GPC6: variants seen among roughly 807,000 people sequenced by gnomAD.
GPC6 encodes the protein glypican 6.
In GPC6, 14 loss-of-function variants were observed where a neutral mutation model predicts 55.2. The ratio of observed to expected loss-of-function variants is 0.25; its 90% CI spans 0.17 to 0.40. The LOEUF (loss-of-function observed/expected upper bound fraction) is 0.40, where lower values mean the gene tolerates loss of function less well. GPC6 is among the 10% of genes least tolerant of loss of function. The probability of loss-of-function intolerance (pLI) is 1.00; values close to 1 mark genes in which losing one functional copy is unlikely to be tolerated. For synonymous variants in GPC6, 278 were observed against 259.6 expected, an observed-to-expected ratio of 1.07 and a Z score of -0.68; for missense variants, 641 against 708.5, an observed-to-expected ratio of 0.90 and a Z score of 1.08.
intron 2 of GPC6, among the ~76,000 whole-genome samples, chr13:93,641,070 A>G (rs549446176): frequency 2.0e-5 from 3 of 152,058 alleles, no homozygotes; most frequent in Non-Finnish European, 4.4e-5. Flanking sequence ...TGCTGTTAAC[A>G]TTTTGAACAC....
chr13:93,682,499 G>T (rs1334065175), intron 2 of GPC6, among the ~76,000 whole-genome samples: 3 of 152,076 alleles, frequency 2.0e-5, no homozygotes, highest in Non-Finnish European at 4.4e-5. Flanking sequence ...AGAAATGAGT[G>T]CCTCCATCCA....
chr13:93,702,709 G>C (rs111292803), intron 2 of GPC6, among the ~76,000 whole-genome samples: 1,653 of 152,054 alleles, frequency 0.011, 36 homozygotes, highest in African/African-American at 0.037. Flanking sequence ...ACCACTTGCT[G>C]CCCCAGCTTG....
chr13:93,607,247 A>ATTTGTTTT (rs893628582), intron 2 of GPC6, among the ~76,000 whole-genome samples: 3 of 152,162 alleles, frequency 2.0e-5, no homozygotes, highest in African/African-American at 7.2e-5. Context: ...CCCGCAATAT[A>ATTTGTTTT]TTTGTTTTTT....
chr13:93,413,647 T>C (rs746632473), intron 1 of GPC6, among the ~76,000 whole-genome samples: 1 of 152,046 alleles, frequency 6.6e-6, no homozygotes, highest in Non-Finnish European at 1.5e-5. Context: ...TATGATATAT[T>C]TGGAGAAATG....
chr13:94,026,293 G>A (rs1369126769), intron 3 of GPC6, among the ~76,000 whole-genome samples: 1 of 152,092 alleles, frequency 6.6e-6, no homozygotes. Context: ...CTAGGTAAGG[G>A]ATAGAATCAT....
At position 93,384,872 on chromosome 13, in the gene GPC6, A is replaced by T. The variant is rs148543721; in HGVS notation, c.160+157256A>T. On this transcript the variant is annotated intron_variant, in intron 1 of 8. Transcript: ENST00000377047. ...TTTCCTAAATTTAAATCATTTGTTC[A>T]TTCATACAAAAACGCATCTTCTGAG... 4.0e-3 allele frequency among the ~76,000 whole-genome samples: 613 copies of T among 152,320 alleles called. 6 individuals carry two copies. Among genetic ancestry groups the T allele is most frequent in the African/African-American group, 0.014 (576 of 41,572 alleles).
intron 1 of GPC6, among the ~76,000 whole-genome samples, chr13:93,349,281 A>C (rs926936451): frequency 3.9e-5 from 6 of 151,988 alleles, no homozygotes; most frequent in Admixed American, 6.6e-5. Flanking sequence ...CTGTAAAAGT[A>C]ACTAAGTTGT....
chr13:93,668,193 A>C (rs1339047491), intron 2 of GPC6, among the ~76,000 whole-genome samples: 1 of 152,150 alleles, frequency 6.6e-6, no homozygotes, highest in Non-Finnish European at 1.5e-5. Context: ...TCAACTGTAA[A>C]TCATTTTTAA....
intron 6 of GPC6, among the ~76,000 whole-genome samples, chr13:94,345,486 C>T (rs1411224472): frequency 1.3e-5 from 2 of 152,182 alleles, no homozygotes; most frequent in Non-Finnish European, 2.9e-5. Flanking sequence ...TGTTCATCTA[C>T]TTTTATTTAG....
At chr13:93,941,151 G>C (rs2140363093) in intron 3 of GPC6, among the ~76,000 whole-genome samples, 2 of 152,174 alleles carry the variant, frequency 1.3e-5, no homozygotes, top group East Asian at 3.9e-4. Context: ...GAGTATTTAA[G>C]ACAGCCTATA....
At chr13:93,910,469 G>A (rs1012158649) in intron 3 of GPC6, among the ~76,000 whole-genome samples, 1 of 152,062 alleles carries the variant, frequency 6.6e-6, no homozygotes, top group African/African-American at 2.4e-5. Flanking sequence ...GTGGCGGGGG[G>A]TGGGTGTGTG....
At chr13:93,612,639 A>G (rs1878532111) in intron 2 of GPC6, among the ~76,000 whole-genome samples, 1 of 152,164 alleles carries the variant, frequency 6.6e-6, no homozygotes, top group Admixed American at 6.5e-5. Flanking sequence ...ACAAATATTC[A>G]AGTCTCTCTT....
At chr13:93,460,226 G>A (rs1878628262) in intron 1 of GPC6, among the ~76,000 whole-genome samples, 2 of 152,322 alleles carry the variant, frequency 1.3e-5, no homozygotes, top group South Asian at 4.1e-4. Flanking sequence ...TGGCAGCCAA[G>A]CTGATATCAT....
chr13:94,349,289 C>T (rs1878423855), intron 6 of GPC6, among the ~76,000 whole-genome samples: 1 of 152,184 alleles, frequency 6.6e-6, no homozygotes, highest in Non-Finnish European at 1.5e-5. Context: ...TTTCCCATTT[C>T]TCTTGCCACT....
At chr13:94,306,298 A>G (rs968196534) in intron 6 of GPC6, 175 bp downstream of exon 6, 10 of 725,836 alleles carry the variant, frequency 1.4e-5, no homozygotes, top group Non-Finnish European at 2.2e-5. Context: ...TGGGTCATGT[A>G]TTGGATTATT....
At chr13:93,354,784 C>T (rs1880784444) in intron 1 of GPC6, among the ~76,000 whole-genome samples, 1 of 152,126 alleles carries the variant, frequency 6.6e-6, no homozygotes, top group Non-Finnish European at 1.5e-5. Context: ...CCTGGCATTT[C>T]TCTGTCCAGC....
intron 1 of GPC6, among the ~76,000 whole-genome samples, chr13:93,511,947 T>C (rs1404397984): frequency 6.6e-6 from 1 of 152,054 alleles, no homozygotes; most frequent in Non-Finnish European, 1.5e-5. Flanking sequence ...GTAGCTATTT[T>C]AAATGGGATT....
At chr13:93,384,089 T>C (rs1875293937) in intron 1 of GPC6, among the ~76,000 whole-genome samples, 9 of 152,128 alleles carry the variant, frequency 5.9e-5, no homozygotes. Context: ...CATCAACTAA[T>C]TGAGAAAAAT....
At chr13:93,232,641 A>G (rs1165246313) in intron 1 of GPC6, among the ~76,000 whole-genome samples, 4 of 152,220 alleles carry the variant, frequency 2.6e-5, no homozygotes, top group Non-Finnish European at 5.9e-5. Context: ...CACTGTCAAA[A>G]TTGATTTAAA....
Sources: gnomAD v4.1 joint callset for allele counts (sites outside exome capture counted in the v4.1 genomes callset) on GRCh38, gnomAD v4.1.1 for gene constraint, MANE v1.5 for transcripts, NCBI Gene and HGNC (gene_info 2026-07-23, HGNC 2026-07-21) for gene names.